ISCU: variants seen among roughly 807,000 people sequenced by gnomAD.
ISCU encodes the protein iron-sulfur cluster assembly enzyme ISCU.
A neutral mutation model predicts 18.4 loss-of-function variants in ISCU; 13 were observed. The observed-to-expected ratio is 0.71, with a 90% CI of 0.46 to 1.12. The LOEUF (loss-of-function observed/expected upper bound fraction) is 1.12. Ranked by LOEUF, ISCU falls within the 50% of genes most tolerant of loss-of-function variation. ISCU has a pLI of 0.00. For synonymous variants in ISCU, 104 were observed against 87.5 expected (o/e 1.19, Z -1.06); for missense variants, 229 against 208.7 (o/e 1.10, Z -0.60).
upstream of ISCU, chr12:108,561,508 G>T (rs747099027): frequency 9.3e-6 from 2 of 216,182 alleles, no homozygotes; most frequent in South Asian, 8.2e-5. Flanking sequence ...GTGATTCTTC[G>T]ATTAAATGCC....
intron 4 of ISCU, chr12:108,568,000 T>TC: frequency 6.5e-7 from 1 of 1,531,440 alleles, no homozygotes; most frequent in Non-Finnish European, 8.7e-7. Context: ...CAGCAGAGAG[T>TC]CAGGCCTCTT....
intron 2 of ISCU, chr12:108,564,852 G>A (rs1320998632): frequency 7.4e-6 from 2 of 268,510 alleles, no homozygotes; most frequent in African/African-American, 4.5e-5. Context: ...TTCATGGTGA[G>A]TGGGCAGCTT....
rs779041657 is a variant in ISCU, at chr12:108,562,650, A to T, written c.28A>T (p.Arg10Trp). 6.8e-7 allele frequency: 1 copy of T among 1,461,810 alleles called. No individual in the cohort carries two copies. Among genetic ancestry groups the T allele is most frequent in the Non-Finnish European group, 9.0e-7 (1 of 1,113,144 alleles). The allele number at this position is 1,461,810 out of a possible 1,614,324, so 90.6% of individuals were successfully genotyped here. ...GGCGGCGGCTGGGGCTTTCCGTCTG[A>T]GGCGGGCGGCATCGGCTCTGCTGCT... MAAAGAFRL[R>W]RAASALLLRS... is the part of the protein sequence containing the mutation. Residue 10 changes from arginine to tryptophan, a missense_variant, in exon 1 of 5, where the codon AGG (arginine) becomes TGG (tryptophan). Physicochemically the swap from Arg to Trp is moderately radical, Grantham distance 101. Coordinates refer to ENST00000311893, the MANE Select transcript of ISCU (RefSeq NM_213595.4).
intron 3 of ISCU, among the ~76,000 whole-genome samples, chr12:108,566,635 C>G (rs1472554548): frequency 2.6e-5 from 4 of 152,336 alleles, no homozygotes; most frequent in South Asian, 2.1e-4. Flanking sequence ...AACCAGACCC[C>G]AGGCATCCTC....
intron 4 of ISCU, chr12:108,568,448 C>T (rs572979000): frequency 2.7e-6 from 3 of 1,122,748 alleles, no homozygotes; most frequent in Non-Finnish European, 2.2e-6. Flanking sequence ...CAAAGCTAGA[C>T]TTTGATGGGA....
At chr12:108,567,346 A>G (rs1441001317) in intron 4 of ISCU, 78 bp downstream of exon 4, 2 of 1,167,288 alleles carry the variant, frequency 1.7e-6, no homozygotes, top group East Asian at 2.3e-5. Flanking sequence ...GTCCTTTTAG[A>G]TCATGGAGCC....
chr12:108,567,049 A>G, intron 3 of ISCU, 141 bp from the exon 4 acceptor site: 1 of 706,464 alleles, frequency 1.4e-6, no homozygotes, highest in Non-Finnish European at 2.6e-6. Context: ...GAGTCCTGAG[A>G]AGACCCTTAG....
chr12:108,567,145 A>G (rs2030937002), intron 3 of ISCU, 45 bp from the exon 4 acceptor site: 1 of 1,414,684 alleles, frequency 7.1e-7, no homozygotes, highest in Non-Finnish European at 1.0e-6. Flanking sequence ...CCCTCACAAG[A>G]TAAAGTGTTG....
At position 108,567,266 on chromosome 12, in the gene ISCU, C is replaced by A; in HGVS notation, c.416C>A (p.Ser139Tyr). 6.2e-7 allele frequency: 1 copy of A among 1,611,956 alleles called. No homozygotes were observed. The change falls in exon 4 of 5, where the codon TCC (serine) becomes TAC (tyrosine). Residue 139 changes from serine (S) to tyrosine (Y), a missense_variant and splice_region_variant. By Grantham distance (144) the Ser-to-Tyr change is moderately radical. Coordinates refer to ENST00000311893, the MANE Select transcript of ISCU (RefSeq NM_213595.4). ...LCLPPVKLHC[S>Y]MLAEDAIKAA... is the part of the protein sequence containing the mutation. ...CTTCCTCCCGTGAAACTGCACTGCT[C>A]CAGTAAGTCTCTGCTCTCCATACCA... is the stretch of plus-strand genomic sequence containing the variant.
At position 108,569,029 on chromosome 12, in the gene ISCU, G is replaced by A. The variant is rs372327627; in HGVS notation, c.*113G>A. On this transcript the variant is annotated 3_prime_UTR_variant, in exon 5 of 5. Transcript: ENST00000311893. ...TCTCCACTGAAGAGCTATGAGATAC[G>A]CACAATACTTGCTGTTCACGTTATG... 65 of 823,982 alleles carry A rather than the reference G, an allele frequency of 7.9e-5. 1 individual carries two copies. The highest frequency in any genetic ancestry group is 7.4e-4 in the South Asian group (51 of 68,968). The allele number at this position is 823,982 out of a possible 1,614,324, so 51.0% of individuals were successfully genotyped here.
At chr12:108,568,329 A>G (rs78348765) in intron 4 of ISCU, 1 of 1,085,222 alleles carries the variant, frequency 9.2e-7, no homozygotes, top group South Asian at 3.4e-5. Flanking sequence ...AAAGTGGTCA[A>G]ACTCTCGATC....
chr12:108,562,306 G>A (rs1412088278), upstream of ISCU, among the ~76,000 whole-genome samples: 3 of 152,222 alleles, frequency 2.0e-5, no homozygotes, highest in South Asian at 2.1e-4. Flanking sequence ...GCTCCTCTGC[G>A]CCGCATTCCC....
chr12:108,564,195 A>G lies in ISCU; in HGVS notation c.115-84A>G, dbSNP rs544651819. On this transcript the variant is annotated intron_variant, in intron 1 of 4. Coordinates refer to ENST00000311893, the MANE Select transcript of ISCU (RefSeq NM_213595.4). ...TTAGTGATTGCCTGCCAGGTTCAAG[A>G]TGCTGACCGAGGAGCTTACCATCAA... 1.3e-4 allele frequency: 201 copies of G among 1,568,946 alleles called. 3 individuals are homozygous for G. The South Asian group carries it at 2.0e-3, about 16-fold the overall frequency.
At chr12:108,565,597 G>T (rs2030859949) in intron 3 of ISCU, among the ~76,000 whole-genome samples, 166 bp downstream of exon 3, 1 of 151,608 alleles carries the variant, frequency 6.6e-6, no homozygotes, top group Non-Finnish European at 1.5e-5. Context: ...TTTTTTTCTT[G>T]TTGATCATTT....
intron 3 of ISCU, among the ~76,000 whole-genome samples, chr12:108,566,299 G>T (rs564512743): frequency 6.1e-4 from 93 of 152,386 alleles, no homozygotes; most frequent in African/African-American, 2.0e-3. Flanking sequence ...GCAGGAGGTA[G>T]CTCTGAAGTG....
intron 2 of ISCU, 87 bp from the exon 3 acceptor site, chr12:108,565,234 T>TG (rs996105916): frequency 1.1e-6 from 1 of 935,894 alleles, no homozygotes; most frequent in Admixed American, 1.7e-5. Context: ...CCAAAGCCCT[T>TG]GGGGAAGGCC....
At chr12:108,566,152 A>T (rs542211786) in intron 3 of ISCU, among the ~76,000 whole-genome samples, 2 of 152,372 alleles carry the variant, frequency 1.3e-5, no homozygotes, top group African/African-American at 4.8e-5. Context: ...GCTGAGTCAC[A>T]GAGGAGCATG....
intron 1 of ISCU, 177 bp downstream of exon 1, chr12:108,562,913 G>A (rs1386888096): frequency 2.5e-6 from 1 of 404,410 alleles, no homozygotes; most frequent in Admixed American, 4.5e-5. Context: ...AACAGTTACC[G>A]CTCATCGGGC....
rs750338671 is a variant in ISCU at position 108,568,857 on chromosome 12, G to A, written c.445G>A (p.Ala149Thr). The change falls in exon 5 of 5, where the codon GCC (alanine) becomes ACC (threonine). Residue 149 changes from alanine (A) to threonine (T), a missense_variant. Ala to Thr is a moderately conservative substitution (Grantham distance 58). Coordinates refer to ENST00000311893, the MANE Select transcript of ISCU (RefSeq NM_213595.4). ...SMLAEDAIKAALADYKLKQEP... is the reference protein window; with the variant it reads ...SMLAEDAIKATLADYKLKQEP... ...GCTGGCTGAAGATGCAATCAAGGCC[G>A]CCCTGGCTGATTACAAATTGAAACA... is the stretch of plus-strand genomic sequence containing the variant. The A allele has an allele frequency of 7.4e-6, 12 of 1,613,324 alleles. No individual in the cohort carries two copies. Among genetic ancestry groups the A allele is most frequent in the African/African-American group, 4.0e-5 (3 of 74,920 alleles).
Sources: allele counts gnomAD v4.1 joint callset (sites outside exome capture counted in the v4.1 genomes callset), GRCh38; gene constraint gnomAD v4.1.1; transcripts MANE v1.5; gene names NCBI Gene and HGNC (gene_info 2026-07-23, HGNC 2026-07-21).